The following GFOD1 variants were observed in gnomAD, a reference collection of about 807,000 sequenced individuals.
The protein encoded by GFOD1 is glucose-fructose oxidoreductase domain-containing protein 1.
In GFOD1, 9 loss-of-function variants were observed where a neutral mutation model predicts 25.4. The ratio of observed to expected loss-of-function variants is 0.35; its 90% confidence interval spans 0.21 to 0.62. The LOEUF is 0.62. Among genes scored for constraint, GFOD1 ranks in the 20% least tolerant of loss-of-function variants. GFOD1 has a pLI of 0.72. For synonymous variants in GFOD1, 253 were observed against 245.6 expected, an observed-to-expected ratio of 1.03 and a Z score of -0.28; for missense variants, 403 against 556.9, an observed-to-expected ratio of 0.72 and a Z score of 2.78.
chr6:13,374,309 G>GTGTGTGTGTGTGT (rs1204000431), intron 1 of GFOD1, among the ~76,000 whole-genome samples: 1 of 137,460 alleles, frequency 7.3e-6, no homozygotes, highest in African/African-American at 2.7e-5. Context: ...GTGTGTGTTT[G>GTGTGTGTGTGTGT]TTTTTTTTTT....
intron 1 of GFOD1, among the ~76,000 whole-genome samples, chr6:13,472,920 GC>G (rs1465668441): frequency 6.6e-6 from 1 of 152,156 alleles, no homozygotes; most frequent in African/African-American, 2.4e-5. Flanking sequence ...CACCACTGTG[GC>G]CTCTTCCTCA....
chr6:13,365,278 C>T lies in GFOD1; in HGVS notation c.638G>A (p.Arg213Gln), dbSNP rs999514859. The change falls in exon 2 of 2, where the codon CGA becomes CAA. Residue 213 changes from arginine (R) to glutamine (Q), a missense_variant. Coordinates refer to ENST00000379287, the MANE Select transcript of GFOD1 (RefSeq NM_018988.4). This position sits in a 1 kb window ranked among gnomAD's most constrained non-coding sequence, Gnocchi z 9.2. ...VKQTDHIKGI[R>Q]QITSDDFCTF... is the part of the protein sequence containing the mutation. ...GCAGAAGTCATCGCTGGTGATCTGTCGGATGCCCTTGATGTGGTCAGTCTG... is the reference window on the plus strand; with the variant it reads ...GCAGAAGTCATCGCTGGTGATCTGTTGGATGCCCTTGATGTGGTCAGTCTG... The T allele has an allele frequency of 1.9e-6, 3 of 1,614,218 alleles. No homozygotes were observed. The highest frequency in any genetic ancestry group is 1.7e-6 in the Non-Finnish European group (2 of 1,180,032).
In GFOD1 at chr6:13,469,710, T is replaced by C. The variant is rs192787668; in HGVS notation, c.253+16928A>G. The C allele has an allele frequency of 9.8e-5, 116 of 1,183,188 alleles. No individual in the cohort carries two copies. In the East Asian group the frequency reaches 5.9e-3, roughly 60 times the overall value. 73.3% of individuals were successfully genotyped at this position (1,183,188 alleles called of 1,614,324 possible). On this transcript the variant is annotated intron_variant, in intron 1 of 1. Coordinates refer to ENST00000379287, the MANE Select transcript of GFOD1 (RefSeq NM_018988.4). ...AGAAAGAAAAGCCCTTTTAGACATA[T>C]CTATATTTCAGATGTTCAAATGTGA...
chr6:13,372,827 GCAATGCTA>G (rs1469912628), intron 1 of GFOD1, among the ~76,000 whole-genome samples: 1 of 152,112 alleles, frequency 6.6e-6, no homozygotes, highest in Non-Finnish European at 1.5e-5. Context: ...AATCTCAGAG[GCAATGCTA>G]CTTTCCACGA....
intron 1 of GFOD1, among the ~76,000 whole-genome samples, chr6:13,426,763 A>AC (rs1270470079): frequency 6.6e-6 from 1 of 152,214 alleles, no homozygotes; most frequent in African/African-American, 2.4e-5. Context: ...AGCGGGGCTA[A>AC]CAACCAGCAA....
chr6:13,360,436 G>T lies in GFOD1; in HGVS notation c.*4307C>A, dbSNP rs73364944. On this transcript the variant is annotated 3_prime_UTR_variant, in exon 2 of 2. Coordinates refer to ENST00000379287, the MANE Select transcript of GFOD1 (RefSeq NM_018988.4). ...AAAGGTGCAGTGCACAGCTAAAATT[G>T]GAGTGACAAACAAACGAACTTTAAA... 241 of 346,762 alleles carry T rather than the reference G, an allele frequency of 7.0e-4. 1 individual carries two copies. The highest frequency in any genetic ancestry group is 4.5e-3 in the African/African-American group (208 of 46,618). 21.5% of individuals were successfully genotyped at this position (346,762 alleles called of 1,614,324 possible).
chr6:13,452,968 G>A (rs1447331051), intron 1 of GFOD1, among the ~76,000 whole-genome samples: 1 of 152,152 alleles, frequency 6.6e-6, no homozygotes, highest in East Asian at 1.9e-4. Context: ...ATCTGGTGAC[G>A]CATTTACTGG....
chr6:13,394,824 C>T (rs953787866), intron 1 of GFOD1, among the ~76,000 whole-genome samples: 1 of 151,644 alleles, frequency 6.6e-6, no homozygotes, highest in Non-Finnish European at 1.5e-5. Flanking sequence ...GTAGAGATGG[C>T]GTTTCACCAT....
chr6:13,466,049 A>G (rs546171025), intron 1 of GFOD1, among the ~76,000 whole-genome samples: 1 of 152,334 alleles, frequency 6.6e-6, no homozygotes, highest in African/African-American at 2.4e-5. Flanking sequence ...ACAAATTTAC[A>G]TCAAGAGTAA....
intron 1 of GFOD1, among the ~76,000 whole-genome samples, chr6:13,422,066 T>A (rs1056547534): frequency 1.3e-4 from 20 of 151,950 alleles, no homozygotes; most frequent in African/African-American, 4.6e-4. Context: ...TTGGGTCCCC[T>A]CCCCTTTTTC....
At chr6:13,470,659 G>A (rs1758482118) in intron 1 of GFOD1, 1 of 1,444,608 alleles carries the variant, frequency 6.9e-7, no homozygotes, top group Admixed American at 3.0e-5. Flanking sequence ...AGACAGAGAA[G>A]AGGAACACAT....
intron 1 of GFOD1, among the ~76,000 whole-genome samples, chr6:13,416,545 T>C (rs1321302569): frequency 1.3e-5 from 2 of 151,894 alleles, no homozygotes; most frequent in African/African-American, 4.8e-5. Flanking sequence ...GTCCAAGAAA[T>C]GAAAAAGTCA....
intron 1 of GFOD1, among the ~76,000 whole-genome samples, chr6:13,442,779 T>G (rs779828813): frequency 6.6e-6 from 1 of 152,214 alleles, no homozygotes; most frequent in Non-Finnish European, 1.5e-5. Context: ...TCTCGAACCA[T>G]TACTGCTTAT....
chr6:13,486,843 G>C lies in GFOD1; in HGVS notation c.48C>G (p.Val16=). The C allele has an allele frequency of 1.2e-6, 2 of 1,613,284 alleles. No homozygotes were observed. Among genetic ancestry groups the C allele is most frequent in the South Asian group, 2.2e-5 (2 of 91,074 alleles). ...CCTCGTCTTTCAGCAGCGGGATGAT[G>C]ACACGGGCCGTGAGGCTGGTGCCGA... ...GVFGTSLTAR[V]IIPLLKDEGF... Residue 16 remains valine, a synonymous_variant, in exon 1 of 2, where the codon GTC becomes GTG. Coordinates refer to ENST00000379287, the MANE Select transcript of GFOD1 (RefSeq NM_018988.4).
At chr6:13,484,858 G>A (rs1758829922) in intron 1 of GFOD1, among the ~76,000 whole-genome samples, 1 of 152,182 alleles carries the variant, frequency 6.6e-6, no homozygotes, top group Non-Finnish European at 1.5e-5. Context: ...TTATGGTGGA[G>A]AAACGATGTT....
chr6:13,446,698 C>T (rs1189987083), intron 1 of GFOD1, among the ~76,000 whole-genome samples: 2 of 152,192 alleles, frequency 1.3e-5, no homozygotes, highest in Non-Finnish European at 2.9e-5. Context: ...CCACCAGCTA[C>T]AGCAAGGGGA....
At chr6:13,388,048 A>G (rs1785511401) in intron 1 of GFOD1, among the ~76,000 whole-genome samples, 2 of 152,232 alleles carry the variant, frequency 1.3e-5, no homozygotes, top group African/African-American at 4.8e-5. Flanking sequence ...TAGGAATCCA[A>G]CTTACAAGGG....
chr6:13,474,409 A>G (rs1430673228), intron 1 of GFOD1, among the ~76,000 whole-genome samples: 1 of 152,074 alleles, frequency 6.6e-6, no homozygotes, highest in East Asian at 1.9e-4. Context: ...TAAAAATAAA[A>G]ATGCCATTTT....
chr6:13,455,861 G>GT, intron 1 of GFOD1, among the ~76,000 whole-genome samples: 1 of 152,364 alleles, frequency 6.6e-6, no homozygotes, highest in South Asian at 2.1e-4. Flanking sequence ...GTCGGTCACA[G>GT]TTTAACACTG....
Sources: allele counts gnomAD v4.1 joint callset (sites outside exome capture counted in the v4.1 genomes callset), GRCh38; gene constraint gnomAD v4.1.1; non-coding constraint Gnocchi (gnomAD v3.1); transcripts MANE v1.5; gene names NCBI Gene and HGNC (gene_info 2026-07-23, HGNC 2026-07-21).